The following LNPEP variants were observed in gnomAD, a reference collection of about 807,000 sequenced individuals.
LNPEP encodes leucyl and cystinyl aminopeptidase, also known as leucyl-cystinyl aminopeptidase.
In LNPEP, 64 loss-of-function variants were observed where a neutral mutation model predicts 120.6. That is an observed-to-expected ratio of 0.53 (90% CI 0.43 to 0.65). The LOEUF (loss-of-function observed/expected upper bound fraction) is 0.65, where lower values mean the gene tolerates loss of function less well. Among genes scored for constraint, LNPEP ranks in the 30% least tolerant of loss-of-function variants. The pLI is 0.00. For missense variants in LNPEP, 1,057 were observed against 1,200.0 expected (o/e 0.88, Z 1.76); for synonymous variants, 435 against 425.4 (o/e 1.02, Z -0.28).
intron 17 of LNPEP, 113 bp downstream of exon 17, chr5:97,027,927 C>T (rs980506200): frequency 1.6e-5 from 11 of 696,726 alleles, no homozygotes; most frequent in African/African-American, 5.3e-5. Flanking sequence ...TCTCTTATCT[C>T]TGTCTTCCTT....
intron 1 of LNPEP, among the ~76,000 whole-genome samples, chr5:96,949,389 C>G (rs1789269702): frequency 6.6e-6 from 1 of 152,190 alleles, no homozygotes; most frequent in Admixed American, 6.5e-5. Flanking sequence ...GGGGAGGGAT[C>G]TAGGTTGCAT....
intron 1 of LNPEP, chr5:96,937,667 A>G (rs2112550564): frequency 6.6e-6 from 1 of 152,348 alleles, no homozygotes; most frequent in East Asian, 1.9e-4. Flanking sequence ...ATTAAAAAAA[A>G]AATCTCTGTG....
intron 11 of LNPEP, chr5:97,010,442 AT>A: frequency 2.0e-5 from 20 of 984,996 alleles, no homozygotes; most frequent in Non-Finnish European, 2.4e-5. Context: ...TTTTCCCCTA[AT>A]AAAGGAGAAA....
In LNPEP at chr5:97,026,679, G is replaced by A; in HGVS notation, c.2786G>A (p.Arg929Lys). ...FRTQKLSFII[R>K]TVGRHFPGHL... ...ACACAGAAGCTGTCTTTTATCATTA[G>A]AACAGTGGGTCGACATTTTCCTGGA... The change falls in exon 16 of 18, where the codon AGA becomes AAA. Residue 929 changes from arginine (R) to lysine (K), a missense_variant. By Grantham distance (26) the Arg-to-Lys change is conservative. Coordinates refer to ENST00000231368, the MANE Select transcript of LNPEP (RefSeq NM_005575.3). The A allele has an allele frequency of 6.2e-7, 1 of 1,613,046 alleles. No individual in the cohort carries two copies.
At chr5:96,938,563 A>G (rs1788976902) in intron 1 of LNPEP, among the ~76,000 whole-genome samples, 1 of 152,164 alleles carries the variant, frequency 6.6e-6, no homozygotes. Context: ...CTATTCCAGT[A>G]CGTTTTTTTT....
chr5:96,993,652 CAT>C (rs1790444907), intron 5 of LNPEP, among the ~76,000 whole-genome samples, 163 bp from the exon 6 acceptor site: 1 of 152,164 alleles, frequency 6.6e-6, no homozygotes, highest in African/African-American at 2.4e-5. Context: ...CCTCAGCTGA[CAT>C]GTGGGTAGAG....
intron 1 of LNPEP, among the ~76,000 whole-genome samples, chr5:96,976,405 C>T (rs1789996839): frequency 6.6e-6 from 1 of 152,024 alleles, no homozygotes; most frequent in African/African-American, 2.4e-5. Context: ...TCTGACTAAG[C>T]CCTTGTCAGA....
rs1054195040 is a variant in LNPEP, at chr5:97,030,456, C to T, written c.*1923C>T. 6.6e-6 allele frequency: 1 copy of T among 151,992 alleles called. No individual in the cohort carries two copies. The highest frequency in any genetic ancestry group is 1.5e-5 in the Non-Finnish European group (1 of 67,978). 9.4% of individuals were successfully genotyped at this position (151,992 alleles called of 1,614,324 possible). On this transcript the variant is annotated 3_prime_UTR_variant, in exon 18 of 18. Coordinates refer to ENST00000231368, the MANE Select transcript of LNPEP (RefSeq NM_005575.3). ...GTTTTTTACCATGTGGTACTAAATT[C>T]CACTTTGATACAAAATTTAAATTTT...
chr5:96,990,504 T>G (rs2112623772), intron 4 of LNPEP, among the ~76,000 whole-genome samples: 1 of 152,336 alleles, frequency 6.6e-6, no homozygotes. Context: ...ACACATATTT[T>G]GCCTCAATTC....
In LNPEP at chr5:97,031,069, G is replaced by A. The variant is rs2112681159; in HGVS notation, c.*2536G>A. 1 of 151,964 alleles carries A rather than the reference G, an allele frequency of 6.6e-6. No individual in the cohort carries two copies. The highest frequency in any genetic ancestry group is 2.1e-4 in the South Asian group (1 of 4,800). The allele number at this position is 151,964 out of a possible 1,614,324, so 9.4% of individuals were successfully genotyped here. ...CTCAGACTGAAGCACAGAAGTCACAGTATGCTTCTTTTATTTAAGCACACA... is the reference window on the plus strand; with the variant it reads ...CTCAGACTGAAGCACAGAAGTCACAATATGCTTCTTTTATTTAAGCACACA... On this transcript the variant is annotated 3_prime_UTR_variant, in exon 18 of 18. Coordinates refer to ENST00000231368, the MANE Select transcript of LNPEP (RefSeq NM_005575.3).
rs974445037 is a variant in LNPEP at position 97,033,521 on chromosome 5, G to A, written c.*4988G>A. 1 of 152,140 alleles carries A rather than the reference G, an allele frequency of 6.6e-6. No homozygotes were observed. The highest frequency in any genetic ancestry group is 2.4e-5 in the African/African-American group (1 of 41,428). 9.4% of individuals were successfully genotyped at this position (152,140 alleles called of 1,614,324 possible). The stretch of plus-strand genomic sequence containing the variant: ...TTTGCTAGGAGAGAGAAAATTTTTT[G>A]CTAGGAGAGGTTTCAAGGTAAGAGT... On this transcript the variant is annotated 3_prime_UTR_variant, in exon 18 of 18. Coordinates refer to ENST00000231368, the MANE Select transcript of LNPEP (RefSeq NM_005575.3).
intron 11 of LNPEP, chr5:97,010,151 G>A (rs1403664920): frequency 1.9e-5 from 8 of 417,294 alleles, no homozygotes; most frequent in Non-Finnish European, 2.3e-5. Context: ...TTTACATATT[G>A]AGGAATTATA....
intron 13 of LNPEP, among the ~76,000 whole-genome samples, chr5:97,018,059 T>C (rs1791107532): frequency 6.6e-6 from 1 of 152,136 alleles, no homozygotes; most frequent in Non-Finnish European, 1.5e-5. Flanking sequence ...TTAACTTGAT[T>C]GTACCTGCAA....
At chr5:97,009,249 C>T (rs1326658024) in intron 11 of LNPEP, among the ~76,000 whole-genome samples, 1 of 152,152 alleles carries the variant, frequency 6.6e-6, no homozygotes, top group Non-Finnish European at 1.5e-5. Context: ...GAAACCTTTC[C>T]TTCCCTGAAG....
intron 1 of LNPEP, among the ~76,000 whole-genome samples, chr5:96,941,526 C>G (rs754946138): frequency 4.6e-5 from 7 of 152,028 alleles, no homozygotes; most frequent in Non-Finnish European, 8.8e-5. Flanking sequence ...AGCAACTTTT[C>G]TGAAAGTTTG....
chr5:97,019,728 AT>A (rs3839295), intron 13 of LNPEP, among the ~76,000 whole-genome samples: 29 of 149,680 alleles, frequency 1.9e-4, no homozygotes, highest in East Asian at 9.8e-4. Context: ...TTCTTCACTG[AT>A]TTTTTTTTTA....
intron 1 of LNPEP, among the ~76,000 whole-genome samples, chr5:96,977,821 G>A (rs1581998361): frequency 1.3e-5 from 2 of 151,994 alleles, no homozygotes; most frequent in East Asian, 3.9e-4. Context: ...CAACTTCATT[G>A]CCAGGTATGA....
intron 1 of LNPEP, among the ~76,000 whole-genome samples, chr5:96,978,055 G>T (rs549116008): frequency 6.6e-6 from 1 of 152,170 alleles, no homozygotes; most frequent in East Asian, 1.9e-4. Flanking sequence ...TAGGATTGTT[G>T]TAAGGGTTAG....
At chr5:96,946,742 C>T (rs912739341) in intron 1 of LNPEP, among the ~76,000 whole-genome samples, 2 of 152,108 alleles carry the variant, frequency 1.3e-5, no homozygotes, top group South Asian at 2.1e-4. Context: ...TGAAGACTGT[C>T]GTATACCTGG....
Sources: allele counts gnomAD v4.1 joint callset (sites outside exome capture counted in the v4.1 genomes callset), GRCh38; gene constraint gnomAD v4.1.1; transcripts MANE v1.5; gene names NCBI Gene and HGNC (gene_info 2026-07-23, HGNC 2026-07-21).